Variants in NFX1 observed in about 807,000 individuals in gnomAD.
NFX1 encodes transcriptional repressor NF-X1.
Under a neutral mutation model 137.2 loss-of-function variants are expected in NFX1, and 69 were observed. That is an observed-to-expected ratio of 0.50 (90% CI 0.41 to 0.61). The LOEUF (loss-of-function observed/expected upper bound fraction) is 0.61, where lower values mean the gene tolerates loss of function less well. Ranked by LOEUF, NFX1 falls within the 20% of genes least tolerant of loss-of-function variation. NFX1 has a pLI of 0.00. For synonymous variants in NFX1, 495 were observed against 474.1 expected, an observed-to-expected ratio of 1.04 and a Z score of -0.57; for missense variants, 1,167 against 1,391.0, an observed-to-expected ratio of 0.84 and a Z score of 2.56.
At chr9:33,307,424 G>T (rs945796561) in intron 5 of NFX1, 125 bp downstream of exon 5, 33 of 753,262 alleles carry the variant, frequency 4.4e-5, no homozygotes, top group Middle Eastern at 2.4e-4. Flanking sequence ...CTCAGTAAAT[G>T]GTCTCAAATC....
chr9:33,367,202 CAG>C (rs1207008850), intron 22 of NFX1, among the ~76,000 whole-genome samples: 1 of 152,172 alleles, frequency 6.6e-6, no homozygotes, highest in Admixed American at 6.5e-5. Flanking sequence ...TTTTTGCCAT[CAG>C]AGGAAACTGA....
chr9:33,297,792 C>T (rs1821411873), intron 2 of NFX1, among the ~76,000 whole-genome samples: 1 of 152,196 alleles, frequency 6.6e-6, no homozygotes, highest in African/African-American at 2.4e-5. Flanking sequence ...GGGAAAGCAG[C>T]TGCTGCCACT....
In NFX1 at chr9:33,290,595, C is replaced by T. The variant is rs1270160870; in HGVS notation, c.23C>T (p.Ser8Leu). MAEAPPVSGTFKFNTDAA... is the reference protein window; with the variant it reads MAEAPPVLGTFKFNTDAA... ...GGGATGGCGGAGGCGCCTCCTGTCT[C>T]AGGTATTGTCCCGGCCCGAGCGGGA... The change falls in exon 1 of 24, where the codon TCA becomes TTA. Residue 8 changes from serine (S) to leucine (L), a missense_variant and splice_region_variant. Around this residue, in one of 3 missense-constraint regions of NFX1, gnomAD observed 367 missense variants for 386.7 expected, o/e 0.95. Transcript: ENST00000379540. The T allele has an allele frequency of 6.2e-7, 1 of 1,613,616 alleles. No individual in the cohort carries two copies. Among genetic ancestry groups the T allele is most frequent in the Non-Finnish European group, 8.5e-7 (1 of 1,179,918 alleles).
intron 11 of NFX1, 127 bp downstream of exon 11, chr9:33,332,629 C>A: frequency 1.6e-6 from 1 of 616,400 alleles, no homozygotes; most frequent in Non-Finnish European, 2.8e-6. Context: ...TGTGGTATAA[C>A]TTTCACCTCA....
chr9:33,300,789 A>G (rs911021304), intron 2 of NFX1, among the ~76,000 whole-genome samples: 1 of 152,262 alleles, frequency 6.6e-6, no homozygotes, highest in African/African-American at 2.4e-5. Context: ...TTTGAGGGCA[A>G]CGGCTAGAGC....
chr9:33,330,975 G>A (rs972622307), intron 10 of NFX1, among the ~76,000 whole-genome samples: 4 of 152,050 alleles, frequency 2.6e-5, no homozygotes, highest in African/African-American at 4.8e-5. Flanking sequence ...TCAGGAGATT[G>A]AGACCATGGT....
At chr9:33,301,156 T>TG in intron 2 of NFX1, 107 bp from the exon 3 acceptor site, 1 of 1,020,152 alleles carries the variant, frequency 9.8e-7, no homozygotes, top group Non-Finnish European at 1.4e-6. Context: ...AAAATCTCTG[T>TG]GTTTGGATTC....
chr9:33,343,671 C>T (rs970999811), intron 13 of NFX1, among the ~76,000 whole-genome samples: 2 of 152,004 alleles, frequency 1.3e-5, no homozygotes, highest in African/African-American at 2.4e-5. Flanking sequence ...ATCTTTTTAC[C>T]CGTGCATGAT....
chr9:33,323,849 A>T (rs1340360390), intron 9 of NFX1, among the ~76,000 whole-genome samples: 1 of 152,204 alleles, frequency 6.6e-6, no homozygotes, highest in South Asian at 2.1e-4. Flanking sequence ...TGTGAAGATG[A>T]TGTCTTATCA....
At chr9:33,369,037 T>C (rs535843963) in intron 23 of NFX1, among the ~76,000 whole-genome samples, 2 of 152,278 alleles carry the variant, frequency 1.3e-5, no homozygotes, top group African/African-American at 4.8e-5. Context: ...GTGGAGTTAT[T>C]GGCCCGTTTA....
intron 14 of NFX1, 24 bp downstream of exon 14, chr9:33,344,212 C>CTTCA: frequency 6.2e-7 from 1 of 1,612,930 alleles, no homozygotes. Flanking sequence ...TGTCTTCACA[C>CTTCA]TTCAGCCTGC....
chr9:33,333,496 C>T (rs2118505504), intron 11 of NFX1, among the ~76,000 whole-genome samples: 1 of 152,334 alleles, frequency 6.6e-6, no homozygotes, highest in East Asian at 1.9e-4. Flanking sequence ...CATTGGGTCT[C>T]TGCCCAACAA....
At chr9:33,318,172 T>C (rs996204456) in intron 7 of NFX1, among the ~76,000 whole-genome samples, 3 of 152,162 alleles carry the variant, frequency 2.0e-5, no homozygotes, top group African/African-American at 7.2e-5. Context: ...GATCTTATAC[T>C]CTCATGCCAA....
Position 33,342,789 on chromosome 9 carries a change from G to T in NFX1, c.2159G>T (p.Arg720Leu). The T allele has an allele frequency of 1.2e-6, 2 of 1,613,822 alleles. No homozygotes were observed. The highest frequency in any genetic ancestry group is 1.7e-6 in the Non-Finnish European group (2 of 1,179,896). ...CCTTTGATTTGTGGGAGGAAACTCC[G>T]TTGTGGCCTTCATAGGTGTGAAGAA... ...KCPLICGRKLRCGLHRCEEPC... is the reference protein window; with the variant it reads ...KCPLICGRKLLCGLHRCEEPC... The change falls in exon 13 of 24, where the codon CGT becomes CTT. Residue 720 changes from arginine (R) to leucine (L), a missense_variant. This residue lies in a region of NFX1 where 488 missense variants were observed against 691.5 expected (regional missense o/e 0.71). Coordinates refer to ENST00000379540, the MANE Select transcript of NFX1 (RefSeq NM_002504.6).
chr9:33,315,977 G>A lies in NFX1; in HGVS notation c.1588+2184G>A, dbSNP rs74566916. Among the ~76,000 whole-genome samples, 848 of 152,126 alleles carry A rather than the reference G, an allele frequency of 5.6e-3. 7 individuals carry two copies. The highest frequency in any genetic ancestry group is 0.017 in the Middle Eastern group (5 of 292). On this transcript the variant is annotated intron_variant, in intron 7 of 23. Coordinates refer to ENST00000379540, the MANE Select transcript of NFX1 (RefSeq NM_002504.6). The stretch of plus-strand genomic sequence containing the variant: ...AAACCAGTATTGTTCGAAACTCGGT[G>A]TTCTTTGAGTACATTCTTGAGATTT...
At chr9:33,312,469 T>C (rs938592310) in intron 6 of NFX1, among the ~76,000 whole-genome samples, 1 of 152,222 alleles carries the variant, frequency 6.6e-6, no homozygotes, top group Non-Finnish European at 1.5e-5. Flanking sequence ...AAACAAAATA[T>C]GGAGTTGAGA....
At chr9:33,341,501 A>G (rs939194371) in intron 12 of NFX1, among the ~76,000 whole-genome samples, 3 of 152,230 alleles carry the variant, frequency 2.0e-5, no homozygotes, top group Non-Finnish European at 2.9e-5. Context: ...CAGTACCAAT[A>G]GCAAGGTAGT....
intron 4 of NFX1, 127 bp downstream of exon 4, chr9:33,303,395 G>A (rs1015784087): frequency 1.3e-6 from 1 of 760,100 alleles, no homozygotes; most frequent in African/African-American, 1.8e-5. Context: ...GAGTCTATAA[G>A]ACTGTAATTA....
intron 10 of NFX1, among the ~76,000 whole-genome samples, chr9:33,331,377 A>T (rs890612426): frequency 6.6e-6 from 1 of 152,172 alleles, no homozygotes; most frequent in East Asian, 1.9e-4. Context: ...TGCTGTGTCT[A>T]TGTCTTCATA....
Sources: allele counts gnomAD v4.1 joint callset (sites outside exome capture counted in the v4.1 genomes callset), GRCh38; gene constraint gnomAD v4.1.1; regional missense constraint gnomAD v4.1.1; transcripts MANE v1.5; gene names NCBI Gene and HGNC (gene_info 2026-07-23, HGNC 2026-07-21).